NMNAT2: variants seen among roughly 807,000 people sequenced by gnomAD.
The protein encoded by NMNAT2 is nicotinamide nucleotide adenylyltransferase 2.
In NMNAT2, 11 loss-of-function variants were observed where a neutral mutation model predicts 41.6. The observed-to-expected ratio is 0.26, with a 90% CI of 0.17 to 0.44. The LOEUF is 0.44. Ranked by LOEUF, NMNAT2 falls within the 20% of genes least tolerant of loss-of-function variation. NMNAT2 has a pLI of 1.00. For synonymous variants in NMNAT2, 148 were observed against 151.2 expected (o/e 0.98, Z 0.16); for missense variants, 288 against 407.7 (o/e 0.71, Z 2.53).
At chr1:183,370,368 G>A (rs1348958211) in intron 1 of NMNAT2, among the ~76,000 whole-genome samples, 2 of 152,040 alleles carry the variant, frequency 1.3e-5, no homozygotes, top group Non-Finnish European at 2.9e-5. Context: ...CCTTTACTGA[G>A]TTTCCATTTC....
At chr1:183,276,125 A>G (rs1174795140) in intron 8 of NMNAT2, among the ~76,000 whole-genome samples, 1 of 152,192 alleles carries the variant, frequency 6.6e-6, no homozygotes, top group Non-Finnish European at 1.5e-5. Flanking sequence ...GGATAGGAGA[A>G]TCCCTCCCCT....
At position 183,252,737 on chromosome 1, in the gene NMNAT2, G is replaced by C. The variant is rs1660425697; in HGVS notation, c.828C>G (p.Ala276=). 5.0e-6 allele frequency: 8 copies of C among 1,613,340 alleles called. No homozygotes were observed. The East Asian group carries it at 1.8e-4, about 36-fold the overall frequency. ...SVVSSTKSRL[A]LQHGDGHVVD... ...CAACATGGCCGTCCCCATGCTGCAG[G>C]GCCAGCCTGCACAAGAAGAGATGAC... Residue 276 remains alanine (A), a synonymous_variant, in exon 11 of 11, where the codon GCC becomes GCG. Coordinates refer to ENST00000287713, the MANE Select transcript of NMNAT2 (RefSeq NM_015039.4).
At chr1:183,301,043 G>A (rs367812498) in intron 1 of NMNAT2, among the ~76,000 whole-genome samples, 4 of 152,148 alleles carry the variant, frequency 2.6e-5, no homozygotes, top group East Asian at 1.9e-4. Context: ...GTCAGATCTC[G>A]CCTTTATTTA....
At chr1:183,268,750 A>G (rs1267895509) in intron 8 of NMNAT2, among the ~76,000 whole-genome samples, 1 of 152,210 alleles carries the variant, frequency 6.6e-6, no homozygotes, top group Non-Finnish European at 1.5e-5. Context: ...TATAAATAAG[A>G]AAACATCATG....
At chr1:183,368,892 T>A (rs1663470448) in intron 1 of NMNAT2, among the ~76,000 whole-genome samples, 1 of 152,210 alleles carries the variant, frequency 6.6e-6, no homozygotes, top group Non-Finnish European at 1.5e-5. Context: ...TGGGGCAATT[T>A]AGCAAGCAGT....
chr1:183,273,759 CCCTT>C (rs1170140362), intron 8 of NMNAT2, among the ~76,000 whole-genome samples: 4 of 148,998 alleles, frequency 2.7e-5, no homozygotes, highest in South Asian at 2.2e-4. Flanking sequence ...TTTTTTCCCT[CCCTT>C]CCTTCCTTCC....
At chr1:183,343,109 C>T (rs1662854966) in intron 1 of NMNAT2, among the ~76,000 whole-genome samples, 1 of 152,096 alleles carries the variant, frequency 6.6e-6, no homozygotes, top group South Asian at 2.1e-4. Context: ...ATTCTCCTTC[C>T]CATGTCAGCA....
At chr1:183,371,108 C>T (rs1220564346) in intron 1 of NMNAT2, among the ~76,000 whole-genome samples, 2 of 152,190 alleles carry the variant, frequency 1.3e-5, no homozygotes, top group Non-Finnish European at 2.9e-5. Flanking sequence ...GTGGTATATG[C>T]GGACAGACTG....
At chr1:183,273,746 CTCT>C (rs1353065669) in intron 8 of NMNAT2, among the ~76,000 whole-genome samples, 3 of 151,836 alleles carry the variant, frequency 2.0e-5, no homozygotes, top group Non-Finnish European at 2.9e-5. Context: ...TTCTTTTTCT[CTCT>C]TTTTTCCCTC....
At chr1:183,378,225 C>T (rs1051407259) in intron 1 of NMNAT2, among the ~76,000 whole-genome samples, 1 of 152,040 alleles carries the variant, frequency 6.6e-6, no homozygotes, top group Non-Finnish European at 1.5e-5. Context: ...AACCCTATCT[C>T]TACTAAAAAT....
chr1:183,348,050 ATCTG>A (rs1347847655), intron 1 of NMNAT2, among the ~76,000 whole-genome samples: 1 of 152,116 alleles, frequency 6.6e-6, no homozygotes, highest in Non-Finnish European at 1.5e-5. Flanking sequence ...ATTTAGAAAG[ATCTG>A]TCTTTGACTG....
At chr1:183,347,327 A>C (rs1557885521) in intron 1 of NMNAT2, among the ~76,000 whole-genome samples, 2 of 152,228 alleles carry the variant, frequency 1.3e-5, no homozygotes, top group Middle Eastern at 3.4e-3. Context: ...ATGGTGGTGC[A>C]TGCCTGTAGT....
At chr1:183,373,245 G>A (rs1241046501) in intron 1 of NMNAT2, among the ~76,000 whole-genome samples, 1 of 152,226 alleles carries the variant, frequency 6.6e-6, no homozygotes, top group Non-Finnish European at 1.5e-5. Flanking sequence ...GGGCAACATT[G>A]CTGAATAAAA....
chr1:183,280,233 G>A (rs1351622718), intron 7 of NMNAT2, among the ~76,000 whole-genome samples: 2 of 152,132 alleles, frequency 1.3e-5, no homozygotes, highest in Non-Finnish European at 2.9e-5. Flanking sequence ...AGCCACCCAG[G>A]GTTCTAGGTC....
At chr1:183,300,035 C>T (rs542562325) in intron 1 of NMNAT2, among the ~76,000 whole-genome samples, 3 of 152,206 alleles carry the variant, frequency 2.0e-5, no homozygotes, top group Admixed American at 1.3e-4. Context: ...ATGGAACCCT[C>T]GTGGATGGAA....
Position 183,293,866 on chromosome 1 carries a change from C to T in NMNAT2, c.86-73G>A, listed in dbSNP as rs139020088. On this transcript the variant is annotated intron_variant, in intron 1 of 10. Transcript: ENST00000287713. ...TTAAAGGTGATAATTGAAATCAATA[C>T]GCTCAGCTCTGTAATGCTGGGGTTT... 1,258 of 1,037,074 alleles carry T rather than the reference C, an allele frequency of 1.2e-3. 10 individuals carry two copies. In the African/African-American group the frequency reaches 0.017, roughly 14 times the overall value. The allele number at this position is 1,037,074 out of a possible 1,614,324, so 64.2% of individuals were successfully genotyped here. A position where few individuals can be genotyped will look rare whatever the true frequency, so the allele number is the denominator to read the frequency against.
intron 1 of NMNAT2, among the ~76,000 whole-genome samples, chr1:183,411,156 C>T (rs995931841): frequency 6.6e-6 from 1 of 152,142 alleles, no homozygotes; most frequent in Non-Finnish European, 1.5e-5. Context: ...CTCATTCTCA[C>T]CTCTTTTGTA....
intron 1 of NMNAT2, among the ~76,000 whole-genome samples, chr1:183,352,085 A>T (rs1202807573): frequency 3.9e-5 from 6 of 152,160 alleles, no homozygotes; most frequent in Non-Finnish European, 8.8e-5. Flanking sequence ...AGTTCAGGGC[A>T]CCTGAGCATT....
chr1:183,367,874 T>G (rs1198672656), intron 1 of NMNAT2, among the ~76,000 whole-genome samples: 1 of 152,138 alleles, frequency 6.6e-6, no homozygotes, highest in Non-Finnish European at 1.5e-5. Flanking sequence ...AGCACACCAT[T>G]TTAGATACCA....
Sources: gnomAD v4.1 joint callset for allele counts (sites outside exome capture counted in the v4.1 genomes callset) on GRCh38, gnomAD v4.1.1 for gene constraint, MANE v1.5 for transcripts, NCBI Gene and HGNC (gene_info 2026-07-23, HGNC 2026-07-21) for gene names.